Variants in RANBP9 observed in about 807,000 individuals in gnomAD.
The protein encoded by RANBP9 is RAN binding protein 9.
RANBP9 carries 15 observed loss-of-function variants against 84.3 expected under a neutral mutation model. That is an observed-to-expected ratio of 0.18 (90% CI 0.12 to 0.27). The LOEUF (loss-of-function observed/expected upper bound fraction) is 0.27. Ranked by LOEUF, RANBP9 falls within the 10% of genes least tolerant of loss-of-function variation. The pLI, the probability that RANBP9 is intolerant of heterozygous loss-of-function variation, is 1.00. For synonymous variants in RANBP9, 392 were observed against 349.6 expected, an observed-to-expected ratio of 1.12 and a Z score of -1.35; for missense variants, 809 against 912.8, an observed-to-expected ratio of 0.89 and a Z score of 1.46.
At chr6:13,636,835 A>G (rs1235480156) in intron 10 of RANBP9, among the ~76,000 whole-genome samples, 1 of 152,170 alleles carries the variant, frequency 6.6e-6, no homozygotes, top group African/African-American at 2.4e-5. Context: ...AGAAATTGAG[A>G]TTAATCTCCC....
chr6:13,651,944 T>C lies in RANBP9; in HGVS notation c.927+715A>G, dbSNP rs77153133. On this transcript the variant is annotated intron_variant, in intron 5 of 13. Transcript: ENST00000011619. ...TCTCTACCACACTTCACACTCTTCT[T>C]CAAACAAGCCATCTGTGCTCCTGCC... Among the ~76,000 whole-genome samples the C allele has an allele frequency of 9.5e-3, 1,452 of 152,134 alleles. 22 individuals carry two copies. Among genetic ancestry groups the C allele is most frequent in the African/African-American group, 0.032 (1,320 of 41,508 alleles).
chr6:13,623,363 T>G (rs1764510853), intron 13 of RANBP9, among the ~76,000 whole-genome samples: 1 of 152,196 alleles, frequency 6.6e-6, no homozygotes, highest in Non-Finnish European at 1.5e-5. Flanking sequence ...TTCATATGGT[T>G]TAACTCCACT....
At chr6:13,695,412 T>G (rs1283673631) in intron 2 of RANBP9, among the ~76,000 whole-genome samples, 1 of 150,802 alleles carries the variant, frequency 6.6e-6, no homozygotes, top group African/African-American at 2.4e-5. Context: ...TTTTTTTTTT[T>G]TTTTTTTTTT....
chr6:13,655,828 A>G (rs1040265702), intron 4 of RANBP9, among the ~76,000 whole-genome samples: 2 of 152,230 alleles, frequency 1.3e-5, no homozygotes, highest in Non-Finnish European at 2.9e-5. Context: ...TTATATGAAC[A>G]GTCAGAATAG....
At chr6:13,652,773 T>A in intron 4 of RANBP9, 92 bp from the exon 5 acceptor site, 1 of 1,116,736 alleles carries the variant, frequency 9.0e-7, no homozygotes, top group East Asian at 2.4e-5. Context: ...AGGAAACAAA[T>A]GGCAAAAGAA....
intron 12 of RANBP9, among the ~76,000 whole-genome samples, chr6:13,626,413 A>G (rs1170703287): frequency 1.3e-5 from 2 of 152,184 alleles, no homozygotes; most frequent in Non-Finnish European, 2.9e-5. Flanking sequence ...TTCAAGTCCA[A>G]GCTCCACCAC....
chr6:13,655,987 A>C (rs535061865), intron 4 of RANBP9, among the ~76,000 whole-genome samples: 101 of 152,324 alleles, frequency 6.6e-4, no homozygotes, highest in Non-Finnish European at 1.2e-3. Flanking sequence ...CTTGAGAAAA[A>C]CTTTTAAGTC....
chr6:13,631,526 G>A lies in RANBP9; in HGVS notation c.1947+844C>T, dbSNP rs991800797. ...GAGCACTTCAGATTTTCGGACTAGG[G>A]ATACTCAACCTGTACTAACTTTCAG... is the stretch of plus-strand genomic sequence containing the variant. On this transcript the variant is annotated intron_variant, in intron 12 of 13. Coordinates refer to ENST00000011619, the MANE Select transcript of RANBP9 (RefSeq NM_005493.3). Among the ~76,000 whole-genome samples, 6 of 152,122 alleles carry A rather than the reference G, an allele frequency of 3.9e-5. No homozygotes were observed. The East Asian group carries it at 5.8e-4, about 15-fold the overall frequency.
intron 2 of RANBP9, among the ~76,000 whole-genome samples, chr6:13,661,359 A>G (rs921049397): frequency 3.3e-5 from 5 of 152,222 alleles, no homozygotes; most frequent in African/African-American, 4.8e-5. Flanking sequence ...AAACTGTAAG[A>G]AAGAAAATAA....
chr6:13,705,795 G>A (rs376308599), intron 1 of RANBP9, among the ~76,000 whole-genome samples: 1 of 148,766 alleles, frequency 6.7e-6, no homozygotes, highest in Non-Finnish European at 1.5e-5. Flanking sequence ...CCCAGGAGGC[G>A]GAGCTTGCAG....
chr6:13,663,618 A>T (rs1765581473), intron 2 of RANBP9, among the ~76,000 whole-genome samples: 1 of 152,172 alleles, frequency 6.6e-6, no homozygotes, highest in South Asian at 2.1e-4. Flanking sequence ...ATGAAAAAAG[A>T]TACACAAAAT....
In RANBP9 at chr6:13,675,358, T is replaced by C. The variant is rs976629018; in HGVS notation, c.684-16526A>G. 2.6e-5 allele frequency among the ~76,000 whole-genome samples: 4 copies of C among 152,280 alleles called. No individual in the cohort carries two copies. In the South Asian group the frequency reaches 8.3e-4, roughly 32 times the overall value. On this transcript the variant is annotated intron_variant, in intron 2 of 13. Transcript: ENST00000011619. ...TAGAAATCAACAAAAGAAAGATAGCTGGAAAATCCCCAAATATCTGGAGAT... is the reference window on the plus strand; with the variant it reads ...TAGAAATCAACAAAAGAAAGATAGCCGGAAAATCCCCAAATATCTGGAGAT...
chr6:13,672,622 C>A (rs1469706977), intron 2 of RANBP9, among the ~76,000 whole-genome samples: 2 of 151,876 alleles, frequency 1.3e-5, no homozygotes, highest in Non-Finnish European at 2.9e-5. Context: ...AAGCCATGTC[C>A]AGATTTCAAC....
chr6:13,643,319 A>C (rs139749480), intron 6 of RANBP9, among the ~76,000 whole-genome samples: 1 of 152,372 alleles, frequency 6.6e-6, no homozygotes, highest in African/African-American at 2.4e-5. Context: ...AGATGTGGTT[A>C]GAAAAACTGG....
Position 13,622,332 on chromosome 6 carries a change from AAT to A in RANBP9, c.*28_*29del. Reference sequence around the variant, plus strand: ...TACTTCCATGTTGACTATATGCCACAATATAAGTGTGAGCTCTTGAAATGCAT... The same window carrying A: ...TACTTCCATGTTGACTATATGCCACAATAAGTGTGAGCTCTTGAAATGCAT... On this transcript the variant is annotated 3_prime_UTR_variant, in exon 14 of 14. Coordinates refer to ENST00000011619, the MANE Select transcript of RANBP9 (RefSeq NM_005493.3). 6.7e-7 allele frequency: 1 copy of A among 1,486,974 alleles called. No individual in the cohort carries two copies. The highest frequency in any genetic ancestry group is 2.4e-5 in the East Asian group (1 of 41,918). 92.1% of individuals were successfully genotyped at this position (1,486,974 alleles called of 1,614,324 possible). A position where few individuals can be genotyped will look rare whatever the true frequency, so the allele number is the denominator to read the frequency against.
At chr6:13,663,161 G>A (rs1350694508) in intron 2 of RANBP9, among the ~76,000 whole-genome samples, 3 of 151,924 alleles carry the variant, frequency 2.0e-5, no homozygotes, top group Non-Finnish European at 4.4e-5. Context: ...GAAAAAAAGT[G>A]CAGAAAACAG....
chr6:13,658,267 T>C (rs1354242139), intron 3 of RANBP9, among the ~76,000 whole-genome samples: 1 of 130,576 alleles, frequency 7.7e-6, no homozygotes, highest in Non-Finnish European at 1.7e-5. Context: ...AAGCATGATA[T>C]ATATACTATA....
intron 1 of RANBP9, 119 bp downstream of exon 1, chr6:13,710,816 T>G: frequency 9.1e-7 from 1 of 1,101,200 alleles, no homozygotes. Context: ...AGGCGGCGAG[T>G]GGCCTCCGAG....
chr6:13,678,706 T>C (rs1765955362), intron 2 of RANBP9, among the ~76,000 whole-genome samples: 1 of 152,190 alleles, frequency 6.6e-6, no homozygotes, highest in Non-Finnish European at 1.5e-5. Flanking sequence ...GACTTTTCCG[T>C]GGCTCCTGTC....
Sources: gnomAD v4.1 joint callset for allele counts (sites outside exome capture counted in the v4.1 genomes callset) on GRCh38, gnomAD v4.1.1 for gene constraint, MANE v1.5 for transcripts, NCBI Gene and HGNC (gene_info 2026-07-23, HGNC 2026-07-21) for gene names.